The following XKR6 variants were observed in gnomAD, a reference collection of about 807,000 sequenced individuals.
The protein encoded by XKR6 is XK related 6.
XKR6 carries 22 observed loss-of-function variants against 56.7 expected under a neutral mutation model. That is an observed-to-expected ratio of 0.39 (90% CI 0.28 to 0.55). The LOEUF (loss-of-function observed/expected upper bound fraction) is 0.55, where lower values mean the gene tolerates loss of function less well. Among genes scored for constraint, XKR6 ranks in the 20% least tolerant of loss-of-function variants. The pLI, the probability that XKR6 is intolerant of heterozygous loss-of-function variation, is 0.66. For synonymous variants in XKR6, 524 were observed against 387.8 expected, an observed-to-expected ratio of 1.35 and a Z score of -4.13; for missense variants, 852 against 889.0, an observed-to-expected ratio of 0.96 and a Z score of 0.53.
intron 1 of XKR6, among the ~76,000 whole-genome samples, chr8:11,115,686 T>C (rs62488582): frequency 0.031 from 4,671 of 152,276 alleles, 123 homozygotes; most frequent in Admixed American, 0.043. Context: ...AAGCTCCATG[T>C]TCATCTTAAC....
At chr8:10,919,846 T>G (rs1442738437) in intron 2 of XKR6, among the ~76,000 whole-genome samples, 3 of 150,148 alleles carry the variant, frequency 2.0e-5, no homozygotes, top group African/African-American at 7.5e-5. Flanking sequence ...GTCATTTATT[T>G]GTTCTTCTGT....
chr8:11,134,942 A>T (rs2116910201), intron 1 of XKR6, among the ~76,000 whole-genome samples: 1 of 152,136 alleles, frequency 6.6e-6, no homozygotes, highest in Admixed American at 6.5e-5. Flanking sequence ...TTTCCATTAT[A>T]CTCTGCTGAA....
intron 1 of XKR6, among the ~76,000 whole-genome samples, chr8:10,926,211 C>G (rs1563292432): frequency 6.6e-6 from 1 of 152,166 alleles, no homozygotes; most frequent in East Asian, 1.9e-4. Flanking sequence ...GTCACTGCCA[C>G]AACACCAGCT....
intron 1 of XKR6, among the ~76,000 whole-genome samples, chr8:11,188,753 C>G (rs1803401665): frequency 6.6e-6 from 1 of 152,132 alleles, no homozygotes; most frequent in Non-Finnish European, 1.5e-5. Context: ...GCGGAATCAC[C>G]AACGAGCAGA....
intron 1 of XKR6, among the ~76,000 whole-genome samples, chr8:11,046,609 A>C (rs77584872): frequency 1.1e-4 from 17 of 152,212 alleles, no homozygotes; most frequent in Admixed American, 1.1e-3. Flanking sequence ...TTTCAGTTAT[A>C]AAAAATAAGG....
intron 1 of XKR6, among the ~76,000 whole-genome samples, chr8:11,097,715 C>T (rs7844895): frequency 6.7e-6 from 1 of 148,892 alleles, no homozygotes; most frequent in Non-Finnish European, 1.5e-5. Context: ...GCTGAGGCAG[C>T]AGAATCGCTT....
At chr8:11,019,811 C>G (rs1368274615) in intron 1 of XKR6, among the ~76,000 whole-genome samples, 1 of 152,224 alleles carries the variant, frequency 6.6e-6, no homozygotes, top group Non-Finnish European at 1.5e-5. Context: ...CCGTGAGGCT[C>G]AGAAGCTGTG....
At chr8:11,156,100 A>G (rs1468243075) in intron 1 of XKR6, among the ~76,000 whole-genome samples, 1 of 152,106 alleles carries the variant, frequency 6.6e-6, no homozygotes, top group African/African-American at 2.4e-5. Context: ...ACTTTATCCA[A>G]TTCTCTTTCC....
At chr8:11,035,016 A>T (rs571632031) in intron 1 of XKR6, among the ~76,000 whole-genome samples, 8 of 152,196 alleles carry the variant, frequency 5.3e-5, no homozygotes, top group Non-Finnish European at 5.9e-5. Flanking sequence ...TGCATTTCAT[A>T]TGCGTACACA....
At chr8:10,966,229 A>G (rs1802218171) in intron 1 of XKR6, among the ~76,000 whole-genome samples, 1 of 152,172 alleles carries the variant, frequency 6.6e-6, no homozygotes, top group Non-Finnish European at 1.5e-5. Flanking sequence ...GGTAGGGCCC[A>G]GGAATTTCCA....
At chr8:11,114,170 T>C (rs1799046037) in intron 1 of XKR6, 1 of 373,210 alleles carries the variant, frequency 2.7e-6, no homozygotes, top group Non-Finnish European at 5.1e-6. Context: ...TATAAAATAT[T>C]AGAAGCCATT....
chr8:11,133,032 T>C (rs1406622624), intron 1 of XKR6, among the ~76,000 whole-genome samples: 3 of 152,250 alleles, frequency 2.0e-5, no homozygotes, highest in South Asian at 2.1e-4. Context: ...GTAATTCATT[T>C]GACATCTAAT....
chr8:11,114,727 A>G (rs60120439), intron 1 of XKR6, among the ~76,000 whole-genome samples: 3,696 of 118,448 alleles, frequency 0.031, 170 homozygotes, highest in African/African-American at 0.087. Flanking sequence ...TAGATCACAT[A>G]TGTGTGTGTG....
intron 1 of XKR6, among the ~76,000 whole-genome samples, chr8:10,961,446 C>A (rs1243402105): frequency 2.6e-5 from 4 of 152,158 alleles, no homozygotes; most frequent in Non-Finnish European, 4.4e-5. Flanking sequence ...TGGCTAGGGG[C>A]GGCTGGGGAA....
chr8:10,913,594 A>C (rs1232214999), intron 2 of XKR6, among the ~76,000 whole-genome samples: 1 of 152,200 alleles, frequency 6.6e-6, no homozygotes, highest in African/African-American at 2.4e-5. Flanking sequence ...TCTGCGATAG[A>C]AGAGATCACC....
Position 11,124,888 on chromosome 8 carries a change from T to A in XKR6, c.764+75688A>T, listed in dbSNP as rs905682671. 3.9e-4 allele frequency: 59 copies of A among 149,420 alleles called. 1 individual carries two copies. The highest frequency in any genetic ancestry group is 2.2e-4 in the Non-Finnish European group (15 of 67,596). The allele number at this position is 149,420 out of a possible 1,614,324, so 9.3% of individuals were successfully genotyped here. ...TCATGAGCTCAGGAGATTGAGACCA[T>A]CCTGGCTAACACGGTGAAACCCCGT... is the stretch of plus-strand genomic sequence containing the variant. On this transcript the variant is annotated intron_variant, in intron 1 of 2. Coordinates refer to ENST00000416569, the MANE Select transcript of XKR6 (RefSeq NM_173683.4).
At chr8:10,938,153 G>C (rs1166259940) in intron 1 of XKR6, among the ~76,000 whole-genome samples, 2 of 152,198 alleles carry the variant, frequency 1.3e-5, no homozygotes, top group African/African-American at 4.8e-5. Context: ...GGGTGGGAGT[G>C]ACCCGATTTT....
At chr8:11,110,253 G>A (rs1403139854) in intron 1 of XKR6, among the ~76,000 whole-genome samples, 1 of 152,126 alleles carries the variant, frequency 6.6e-6, no homozygotes, top group African/African-American at 2.4e-5. Context: ...GATTACAGGC[G>A]TGAGCCACTG....
At chr8:10,903,178 A>G (rs556859493) in intron 2 of XKR6, among the ~76,000 whole-genome samples, 47 of 152,272 alleles carry the variant, frequency 3.1e-4, no homozygotes, top group African/African-American at 1.1e-3. Context: ...GACATTGTCT[A>G]CGTCGTTATG....
Sources: gnomAD v4.1 joint callset for allele counts (sites outside exome capture counted in the v4.1 genomes callset) on GRCh38, gnomAD v4.1.1 for gene constraint, MANE v1.5 for transcripts, NCBI Gene and HGNC (gene_info 2026-07-23, HGNC 2026-07-21) for gene names.